Variants in SBNO2 observed in about 807,000 individuals in gnomAD.
The protein encoded by SBNO2 is protein strawberry notch homolog 2.
Under a neutral mutation model 146.3 loss-of-function variants are expected in SBNO2, and 89 were observed. That is an observed-to-expected ratio of 0.61 (90% CI 0.51 to 0.73). The LOEUF (loss-of-function observed/expected upper bound fraction) is 0.73, where lower values mean the gene tolerates loss of function less well. Ranked by LOEUF, SBNO2 falls within the 30% of genes least tolerant of loss-of-function variation. The probability of loss-of-function intolerance (pLI) is 0.00; values close to 1 mark genes in which losing one functional copy is unlikely to be tolerated. For missense variants in SBNO2, 2,092 were observed against 2,003.7 expected (o/e 1.04, Z -0.84); for synonymous variants, 1,147 against 892.6 (o/e 1.29, Z -5.08).
At chr19:1,141,727 T>C (rs1253021482) in intron 4 of SBNO2, among the ~76,000 whole-genome samples, 3 of 152,032 alleles carry the variant, frequency 2.0e-5, no homozygotes, top group Non-Finnish European at 4.4e-5. Context: ...TCCTCATGCC[T>C]CAGTCAAATA....
Position 1,124,240 on chromosome 19 carries a change from C to T in SBNO2, c.442-218G>A, listed in dbSNP as rs376631605. 1.2e-3 allele frequency among the ~76,000 whole-genome samples: 176 copies of T among 152,318 alleles called. 1 individual carries two copies. Among genetic ancestry groups the T allele is most frequent in the South Asian group, 4.1e-3 (20 of 4,824 alleles). On this transcript the variant is annotated intron_variant, in intron 5 of 31. Transcript: ENST00000361757. ...GGGCACCTCCCTGGGGCCTAAGGCT[C>T]GCTCCTCCTGGCCAGCACCTGGCTG...
At chr19:1,165,468 G>A (rs967615215) in intron 1 of SBNO2, among the ~76,000 whole-genome samples, 11 of 152,176 alleles carry the variant, frequency 7.2e-5, no homozygotes, top group Admixed American at 3.3e-4. Flanking sequence ...GCCAAGTGGA[G>A]TAGTGGTGGT....
intron 4 of SBNO2, among the ~76,000 whole-genome samples, chr19:1,130,298 C>T (rs1048662822): frequency 3.3e-5 from 5 of 152,160 alleles, no homozygotes; most frequent in Non-Finnish European, 7.3e-5. Context: ...GGACTCTCTG[C>T]ACTGTCCCTG....
At chr19:1,146,231 G>C (rs932674517) in intron 4 of SBNO2, among the ~76,000 whole-genome samples, 1 of 152,164 alleles carries the variant, frequency 6.6e-6, no homozygotes, top group Non-Finnish European at 1.5e-5. Context: ...CTCTACTGGG[G>C]AGGCGGACTT....
At position 1,144,752 on chromosome 19, in the gene SBNO2, GGAGACAGA is replaced by G. The variant is rs773261833; in HGVS notation, c.279+2549_279+2556del. On this transcript the variant is annotated intron_variant, in intron 4 of 31. Coordinates refer to ENST00000361757, the MANE Select transcript of SBNO2 (RefSeq NM_014963.3). This position sits in a 1 kb window ranked among gnomAD's most constrained non-coding sequence, Gnocchi z 4.1. The stretch of plus-strand genomic sequence containing the variant: ...GGGAGACAAAGAGACAGGTGGAGAG[GGAGACAGA>G]GAGACAGAGGCAGAGACAAAGAGAC... 6.9e-6 allele frequency among the ~76,000 whole-genome samples: 1 copy of G among 145,304 alleles called. No homozygotes were observed. Among genetic ancestry groups the G allele is most frequent in the African/African-American group, 2.6e-5 (1 of 38,724 alleles).
intron 1 of SBNO2, among the ~76,000 whole-genome samples, 196 bp from the exon 2 acceptor site, chr19:1,154,598 G>C (rs1398301891): frequency 6.6e-6 from 1 of 152,068 alleles, no homozygotes; most frequent in Non-Finnish European, 1.5e-5. Flanking sequence ...CAACTCCTTT[G>C]TGCTGCCCAC....
Position 1,109,512 on chromosome 19 carries a change from GGA to G in SBNO2, c.3208_3209del (p.Ser1070LeufsTer6). 1 of 1,597,876 alleles carries G rather than the reference GGA, an allele frequency of 6.3e-7. No individual in the cohort carries two copies. Among genetic ancestry groups the G allele is most frequent in the Non-Finnish European group, 8.5e-7 (1 of 1,173,534 alleles). ...TAACCCCGCCCGACCCCACCTTGTAGGAGAGGTAGAAGCCGTCATAGGGGCCC... is the reference window on the plus strand; with the variant it reads ...TAACCCCGCCCGACCCCACCTTGTAGGAGGTAGAAGCCGTCATAGGGGCCC... ...LTGPYDGFYL[S>X]YKVRGNKPSC... On this transcript the variant is annotated frameshift_variant, in exon 28 of 32. Coordinates refer to ENST00000361757, the MANE Select transcript of SBNO2 (RefSeq NM_014963.3). LOFTEE classifies it high-confidence loss of function. The surrounding 1 kb of genome is among the most constrained non-coding windows in gnomAD (Gnocchi z 4.2).
chr19:1,107,739 G>T lies in SBNO2; in HGVS notation c.*481C>A, dbSNP rs963500173. The stretch of plus-strand genomic sequence containing the variant: ...CCGCAGGCGCCACCCTGCCAGCTCC[G>T]CGGCCTGGGGCCTGGGAGAGGTGAG... On this transcript the variant is annotated 3_prime_UTR_variant, in exon 32 of 32. Transcript: ENST00000361757. The T allele has an allele frequency of 1.3e-5, 2 of 153,168 alleles. No homozygotes were observed. The highest frequency in any genetic ancestry group is 4.8e-5 in the African/African-American group (2 of 41,464). 9.5% of individuals were successfully genotyped at this position (153,168 alleles called of 1,614,324 possible). A position where few individuals can be genotyped will look rare whatever the true frequency, so the allele number is the denominator to read the frequency against.
chr19:1,117,855 G>A (rs1442196720), intron 14 of SBNO2, among the ~76,000 whole-genome samples: 1 of 152,254 alleles, frequency 6.6e-6, no homozygotes, highest in African/African-American at 2.4e-5. Flanking sequence ...CACTGGGCAT[G>A]TCTGGGGCTG....
At chr19:1,168,955 C>T (rs1181125585) in intron 1 of SBNO2, 2 of 152,290 alleles carry the variant, frequency 1.3e-5, no homozygotes, top group African/African-American at 2.4e-5. Context: ...AGCCGCCTTC[C>T]GGAACCTGGC....
At chr19:1,168,684 C>T (rs1174961666) in intron 1 of SBNO2, 1 of 152,274 alleles carries the variant, frequency 6.6e-6, no homozygotes, top group Admixed American at 6.5e-5. Context: ...GGCAGCTTTC[C>T]TCAGTTTACC....
chr19:1,143,067 G>A (rs2080155755), intron 4 of SBNO2, among the ~76,000 whole-genome samples: 1 of 152,160 alleles, frequency 6.6e-6, no homozygotes, highest in Non-Finnish European at 1.5e-5. Context: ...AATCCCTCCA[G>A]GTTTATACAA....
intron 11 of SBNO2, 141 bp downstream of exon 11, chr19:1,121,998 C>G: frequency 1.9e-6 from 1 of 526,162 alleles, no homozygotes; most frequent in Non-Finnish European, 2.7e-6. Context: ...CCTTCCCCAG[C>G]CCCACCCCTC....
intron 1 of SBNO2, chr19:1,168,889 C>G (rs548079434): frequency 1.3e-5 from 2 of 152,408 alleles, no homozygotes; most frequent in Non-Finnish European, 2.9e-5. Flanking sequence ...GCCCCAGCAC[C>G]CAGGGCCTTG....
intron 2 of SBNO2, among the ~76,000 whole-genome samples, chr19:1,153,402 TA>T (rs1370579121): frequency 2.0e-5 from 3 of 150,494 alleles, no homozygotes. Context: ...CACGCCAGGC[TA>T]ATTTTTTGTA....
intron 19 of SBNO2, 76 bp downstream of exon 19, chr19:1,113,459 T>A (rs2079792118): frequency 2.3e-6 from 3 of 1,310,050 alleles, no homozygotes; most frequent in Non-Finnish European, 2.1e-6. Context: ...CCACCAGAGC[T>A]GCACACAGCC....
intron 1 of SBNO2, among the ~76,000 whole-genome samples, chr19:1,165,524 G>A (rs982576787): frequency 1.2e-4 from 19 of 152,118 alleles, no homozygotes; most frequent in Non-Finnish European, 2.6e-4. Context: ...AGAGTCCCAA[G>A]CCAGGAATGT....
At chr19:1,127,343 G>C (rs371073509) in intron 5 of SBNO2, among the ~76,000 whole-genome samples, 1 of 151,818 alleles carries the variant, frequency 6.6e-6, no homozygotes, top group Non-Finnish European at 1.5e-5. Flanking sequence ...CAGCATCCTG[G>C]CCCCCCCCAA....
chr19:1,166,958 G>A (rs1325663570), intron 1 of SBNO2, among the ~76,000 whole-genome samples: 3 of 152,240 alleles, frequency 2.0e-5, no homozygotes, highest in Admixed American at 1.3e-4. Context: ...TCCCAGACAA[G>A]TGGCTCGACC....
Sources: allele counts gnomAD v4.1 joint callset (sites outside exome capture counted in the v4.1 genomes callset), GRCh38; gene constraint gnomAD v4.1.1; non-coding constraint Gnocchi (gnomAD v3.1); transcripts MANE v1.5; gene names NCBI Gene and HGNC (gene_info 2026-07-23, HGNC 2026-07-21).